The following RPS6KC1 variants were observed in gnomAD, a reference collection of about 807,000 sequenced individuals.
The protein encoded by RPS6KC1 is inactive ribosomal protein S6 kinase delta-1.
Under a neutral mutation model 103.8 loss-of-function variants are expected in RPS6KC1, and 54 were observed. The ratio of observed to expected loss-of-function variants is 0.52; its 90% CI spans 0.42 to 0.65. The LOEUF is 0.65. Among genes scored for constraint, RPS6KC1 ranks in the 30% least tolerant of loss-of-function variants. The probability of loss-of-function intolerance (pLI) is 0.00; values close to 1 mark genes in which losing one functional copy is unlikely to be tolerated. For missense variants in RPS6KC1, 1,151 were observed against 1,253.8 expected (o/e 0.92, Z 1.24); for synonymous variants, 439 against 438.7 (o/e 1.00, Z -0.01).
chr1:213,151,634 T>C (rs2088943436), intron 6 of RPS6KC1, among the ~76,000 whole-genome samples: 1 of 80,816 alleles, frequency 1.2e-5, no homozygotes, highest in Admixed American at 9.6e-5. Context: ...ACGGGGCGGC[T>C]GGCTGGGCAG....
the RPS6KC1 span, among the ~76,000 whole-genome samples, chr1:213,591,775 G>A: frequency 3.3e-5 from 5 of 152,204 alleles, no homozygotes; most frequent in Non-Finnish European, 7.3e-5. Context: ...AGAGGGAGAA[G>A]TTGGACTGTT....
At chr1:213,633,676 G>C in the RPS6KC1 span, among the ~76,000 whole-genome samples, 1 of 151,524 alleles carries the variant, frequency 6.6e-6, no homozygotes, top group Non-Finnish European at 1.5e-5. Flanking sequence ...CATAATGACA[G>C]GATCAAATTC....
the RPS6KC1 span, among the ~76,000 whole-genome samples, chr1:213,309,706 C>A: frequency 1.3e-5 from 2 of 152,138 alleles, no homozygotes; most frequent in Non-Finnish European, 2.9e-5. Context: ...TTTCTTGAGA[C>A]AGAGTTTCCC....
At chr1:213,729,457 A>G in the RPS6KC1 span, among the ~76,000 whole-genome samples, 5 of 152,330 alleles carry the variant, frequency 3.3e-5, no homozygotes, top group East Asian at 9.6e-4. Context: ...ATGCAGCATC[A>G]TTTATTGCTT....
chr1:213,654,565 T>C, the RPS6KC1 span, among the ~76,000 whole-genome samples: 1 of 152,194 alleles, frequency 6.6e-6, no homozygotes, highest in Non-Finnish European at 1.5e-5. Flanking sequence ...AGAACATCCA[T>C]GCTCCAGGAA....
rs2148928544 is a variant in RPS6KC1, at chr1:213,239,723, C to G, written c.1226-979C>G. Among the ~76,000 whole-genome samples the G allele has an allele frequency of 2.0e-5, 3 of 152,272 alleles. No homozygotes were observed. The South Asian group carries it at 6.2e-4, about 32-fold the overall frequency. On this transcript the variant is annotated intron_variant, in intron 10 of 14. Coordinates refer to ENST00000366960, the MANE Select transcript of RPS6KC1 (RefSeq NM_012424.6). The stretch of plus-strand genomic sequence containing the variant: ...TTCTTAATTTTTCATTTCTTTGCAA[C>G]TACAATTCTGTCTCCGCAAAGTATA...
At chr1:213,199,113 G>A (rs772417313) in intron 8 of RPS6KC1, among the ~76,000 whole-genome samples, 48 of 152,148 alleles carry the variant, frequency 3.2e-4, no homozygotes, top group Non-Finnish European at 5.3e-4. Context: ...ACAAAATTGA[G>A]GAGGAGGGAC....
At chr1:213,626,515 GA>G in the RPS6KC1 span, among the ~76,000 whole-genome samples, 2 of 152,136 alleles carry the variant, frequency 1.3e-5, no homozygotes, top group African/African-American at 4.8e-5. Context: ...CCTATGTCCT[GA>G]ATGGTATTGC....
Position 213,076,557 on chromosome 1 carries a change from T to C in RPS6KC1, c.142-1139T>C, listed in dbSNP as rs139861554. ...TCAATTTTACTCTATTTTCTAGAGA[T>C]TGAGGGGCTGAATCTGTGATATCAA... On this transcript the variant is annotated intron_variant, in intron 2 of 14. Transcript: ENST00000366960. 9.1e-4 allele frequency among the ~76,000 whole-genome samples: 138 copies of C among 152,212 alleles called. No individual in the cohort carries two copies. The Middle Eastern group carries it at 0.017, about 19-fold the overall frequency.
the RPS6KC1 span, among the ~76,000 whole-genome samples, chr1:213,727,919 G>T: frequency 6.6e-6 from 1 of 152,132 alleles, no homozygotes; most frequent in Non-Finnish European, 1.5e-5. Context: ...TTTTCCAACT[G>T]CAGGCGATAA....
chr1:213,268,450 C>T (rs1325176073), intron 14 of RPS6KC1, among the ~76,000 whole-genome samples: 2 of 151,630 alleles, frequency 1.3e-5, no homozygotes, highest in African/African-American at 2.4e-5. Context: ...AGAGAAATGA[C>T]ACACCAGGTA....
the RPS6KC1 span, among the ~76,000 whole-genome samples, chr1:213,773,228 A>G: frequency 1.6e-5 from 1 of 61,684 alleles, no homozygotes; most frequent in African/African-American, 4.0e-5. Flanking sequence ...GTCTCTTTCA[A>G]GGGGAATCTT....
chr1:213,246,049 G>A (rs951054495), intron 12 of RPS6KC1, among the ~76,000 whole-genome samples: 56 of 152,248 alleles, frequency 3.7e-4, no homozygotes, highest in South Asian at 6.2e-4. Flanking sequence ...AAACCATGGA[G>A]CTTTCTCTGG....
chr1:213,085,686 C>T (rs113481927), intron 3 of RPS6KC1, among the ~76,000 whole-genome samples: 7 of 151,982 alleles, frequency 4.6e-5, no homozygotes, highest in African/African-American at 1.5e-4. Context: ...TATGCATCTA[C>T]GTTTCTCTGT....
the RPS6KC1 span, among the ~76,000 whole-genome samples, chr1:213,646,899 T>TATATATATATATATATATATA: frequency 1.2e-4 from 12 of 100,544 alleles, no homozygotes; most frequent in Non-Finnish European, 1.8e-4. Context: ...ATATATATAT[T>TATATATATATATATATATATA]TTTGTTTGTT....
At chr1:213,479,818 A>G in the RPS6KC1 span, among the ~76,000 whole-genome samples, 7,561 of 132,788 alleles carry the variant, frequency 0.057, 605 homozygotes, top group African/African-American at 0.18. Context: ...TAATGGGAGA[A>G]ATAGGATCTT....
the RPS6KC1 span, among the ~76,000 whole-genome samples, chr1:213,456,017 A>C: frequency 1.3e-5 from 2 of 152,136 alleles, no homozygotes; most frequent in South Asian, 4.1e-4. Flanking sequence ...ATGGCCCCTC[A>C]TGCCCTTACA....
At chr1:213,718,159 A>C in the RPS6KC1 span, among the ~76,000 whole-genome samples, 1 of 152,086 alleles carries the variant, frequency 6.6e-6, no homozygotes, top group Non-Finnish European at 1.5e-5. Context: ...TTAATTACCT[A>C]TTTCTCTATT....
At chr1:213,141,835 C>CT (rs934504673) in intron 6 of RPS6KC1, among the ~76,000 whole-genome samples, 4 of 145,516 alleles carry the variant, frequency 2.7e-5, no homozygotes, top group Non-Finnish European at 6.1e-5. Context: ...TTTTTTTTTT[C>CT]TTTTTTCATT....
Sources: gnomAD v4.1 joint callset for allele counts (sites outside exome capture counted in the v4.1 genomes callset) on GRCh38, gnomAD v4.1.1 for gene constraint, MANE v1.5 for transcripts, NCBI Gene and HGNC (gene_info 2026-07-23, HGNC 2026-07-21) for gene names.